Variants in PEBP4 observed in about 807,000 individuals in gnomAD.
PEBP4 encodes phosphatidylethanolamine-binding protein 4.
PEBP4 carries 22 observed loss-of-function variants against 23.9 expected under a neutral mutation model. The observed-to-expected ratio is 0.92, with a 90% confidence interval of 0.66 to 1.31. The LOEUF is 1.31. PEBP4 is among the 40% of genes most tolerant of loss of function. PEBP4 has a pLI of 0.00. For synonymous variants in PEBP4, 112 were observed against 99.3 expected (o/e 1.13, Z -0.76); for missense variants, 324 against 281.7 (o/e 1.15, Z -1.07).
intron 3 of PEBP4, among the ~76,000 whole-genome samples, chr8:22,870,279 T>C (rs1428573827): frequency 6.6e-6 from 1 of 152,134 alleles, no homozygotes; most frequent in Admixed American, 6.5e-5. Flanking sequence ...TACCAAGCCA[T>C]GAAAAGACGC....
intron 3 of PEBP4, among the ~76,000 whole-genome samples, chr8:22,838,397 T>A (rs1452460805): frequency 6.6e-6 from 1 of 152,218 alleles, no homozygotes; most frequent in Non-Finnish European, 1.5e-5. Flanking sequence ...GCCACAGAGC[T>A]GGATGAGCCC....
At chr8:22,743,130 C>T (rs1279325844) in intron 4 of PEBP4, among the ~76,000 whole-genome samples, 1 of 152,136 alleles carries the variant, frequency 6.6e-6, no homozygotes, top group African/African-American at 2.4e-5. Flanking sequence ...CCCCAAGAAG[C>T]CCCAGGCCCT....
At chr8:22,801,006 C>T (rs547420760) in intron 4 of PEBP4, among the ~76,000 whole-genome samples, 35 of 152,106 alleles carry the variant, frequency 2.3e-4, no homozygotes, top group Non-Finnish European at 4.4e-4. Context: ...TCCACACCCT[C>T]CCTGCCCATC....
intron 3 of PEBP4, among the ~76,000 whole-genome samples, chr8:22,919,227 CT>C (rs1809148228): frequency 6.6e-6 from 1 of 152,136 alleles, no homozygotes; most frequent in Admixed American, 6.5e-5. Flanking sequence ...GGAAGAACCC[CT>C]TGTGGCCCTT....
chr8:22,742,709 C>T (rs1805022546), intron 4 of PEBP4, among the ~76,000 whole-genome samples: 1 of 152,198 alleles, frequency 6.6e-6, no homozygotes, highest in Non-Finnish European at 1.5e-5. Context: ...AGCCAGGCCA[C>T]CTGATCATCG....
chr8:22,799,569 T>C (rs1051097263), intron 4 of PEBP4, among the ~76,000 whole-genome samples: 1 of 152,256 alleles, frequency 6.6e-6, no homozygotes, highest in Admixed American at 6.5e-5. Context: ...TTTATTTTAT[T>C]ATACTTTAAG....
intron 4 of PEBP4, among the ~76,000 whole-genome samples, chr8:22,792,562 C>T (rs976121470): frequency 1.3e-5 from 2 of 152,166 alleles, no homozygotes; most frequent in Non-Finnish European, 2.9e-5. Flanking sequence ...ACCAAAGATG[C>T]CCTCTTGTGA....
chr8:22,850,077 G>C (rs995787437), intron 3 of PEBP4, among the ~76,000 whole-genome samples: 5 of 151,464 alleles, frequency 3.3e-5, no homozygotes, highest in African/African-American at 1.2e-4. Flanking sequence ...TCCCCCAGGA[G>C]CCCTGTGATA....
At chr8:22,725,265 G>A (rs553830962) in intron 5 of PEBP4, among the ~76,000 whole-genome samples, 1 of 152,324 alleles carries the variant, frequency 6.6e-6, no homozygotes, top group African/African-American at 2.4e-5. Flanking sequence ...GCATTGTCCT[G>A]TTTTTGCTTT....
rs906393782 is a variant in PEBP4, at chr8:22,808,245, A to G, written c.357+9392T>C. Reference sequence around the variant, plus strand: ...CCAACCTCTAGCCATCCATCCATCCATCCATCCCTCCATCTATCTATTCAT... The same window carrying G: ...CCAACCTCTAGCCATCCATCCATCCGTCCATCCCTCCATCTATCTATTCAT... On this transcript the variant is annotated intron_variant, in intron 4 of 6. Transcript: ENST00000256404. Among the ~76,000 whole-genome samples the G allele has an allele frequency of 1.3e-5, 2 of 151,134 alleles. 1 individual carries two copies. Among genetic ancestry groups the G allele is most frequent in the South Asian group, 4.2e-4 (2 of 4,784 alleles).
chr8:22,769,447 C>T (rs1284869829), intron 4 of PEBP4, among the ~76,000 whole-genome samples: 1 of 152,226 alleles, frequency 6.6e-6, no homozygotes, highest in African/African-American at 2.4e-5. Flanking sequence ...GAGTTCCGTT[C>T]TTAACCCTAA....
intron 4 of PEBP4, among the ~76,000 whole-genome samples, chr8:22,737,017 G>C (rs1038310768): frequency 6.6e-6 from 1 of 152,214 alleles, no homozygotes; most frequent in Non-Finnish European, 1.5e-5. Context: ...ATAAAGGCCG[G>C]GCATGGTGGC....
intron 3 of PEBP4, among the ~76,000 whole-genome samples, chr8:22,827,611 GA>G (rs1806999089): frequency 6.6e-6 from 1 of 152,074 alleles, no homozygotes; most frequent in Non-Finnish European, 1.5e-5. Context: ...TCATTGTATG[GA>G]TAGAGACCAC....
chr8:22,912,256 T>C (rs1199139462), intron 3 of PEBP4, among the ~76,000 whole-genome samples: 4 of 152,128 alleles, frequency 2.6e-5, no homozygotes, highest in African/African-American at 9.7e-5. Flanking sequence ...AGACAAGTGA[T>C]AACAACAACA....
rs143673831 is a variant in PEBP4 at position 22,920,451 on chromosome 8, G to A, written c.132-141C>T. 104 of 1,012,016 alleles carry A rather than the reference G, an allele frequency of 1.0e-4. 1 individual carries two copies. The African/African-American group carries it at 1.5e-3, about 15-fold the overall frequency. The allele number at this position is 1,012,016 out of a possible 1,614,324, so 62.7% of individuals were successfully genotyped here. A position where few individuals can be genotyped will look rare whatever the true frequency, so the allele number is the denominator to read the frequency against. ...CCTGCCACTAACTAGTTGTGTGACC[G>A]AAGAGTTACTTGACCTCCTTGTGCC... is the stretch of plus-strand genomic sequence containing the variant. On this transcript the variant is annotated intron_variant, in intron 2 of 6. Transcript: ENST00000256404.
At chr8:22,860,709 AC>A (rs1358658122) in intron 3 of PEBP4, among the ~76,000 whole-genome samples, 2 of 152,042 alleles carry the variant, frequency 1.3e-5, no homozygotes, top group African/African-American at 4.8e-5. Context: ...TTTCCTCAAG[AC>A]CCTCCGTTAC....
chr8:22,912,187 A>G (rs1808952341), intron 3 of PEBP4, among the ~76,000 whole-genome samples: 2 of 152,238 alleles, frequency 1.3e-5, no homozygotes, highest in South Asian at 4.1e-4. Context: ...TGAGTAAGAC[A>G]GTCGCCGGAG....
Position 22,920,134 on chromosome 8 carries a change from A to C in PEBP4, c.258+50T>G, listed in dbSNP as rs535603335. ...CCCAGATGAGCAAGCCTGGAGGAAC[A>C]TCAAGACCCCCAACTGTCCCCCCGC... On this transcript the variant is annotated intron_variant, in intron 3 of 6. Coordinates refer to ENST00000256404, the MANE Select transcript of PEBP4 (RefSeq NM_144962.3). The C allele has an allele frequency of 1.6e-5, 25 of 1,583,582 alleles. No homozygotes were observed. The African/African-American group carries it at 2.8e-4, about 18-fold the overall frequency.
At position 22,727,155 on chromosome 8, in the gene PEBP4, GTC is replaced by G; in HGVS notation, c.403+18_403+19del. ...ACTGATGCCCTGGCTGGGGGAAGGG[GTC>G]CCTAGGGTCTTACTCACCTGATAAC... On this transcript the variant is annotated intron_variant, in intron 5 of 6. Transcript: ENST00000256404. 6.2e-7 allele frequency: 1 copy of G among 1,613,564 alleles called. No individual in the cohort carries two copies. Among genetic ancestry groups the G allele is most frequent in the Non-Finnish European group, 8.5e-7 (1 of 1,179,710 alleles).
Sources: allele counts gnomAD v4.1 joint callset (sites outside exome capture counted in the v4.1 genomes callset), GRCh38; gene constraint gnomAD v4.1.1; transcripts MANE v1.5; gene names NCBI Gene and HGNC (gene_info 2026-07-23, HGNC 2026-07-21).